NRCAM: variants seen among roughly 807,000 people sequenced by gnomAD.
The protein encoded by NRCAM is NgCAM-related cell adhesion molecule.
Under a neutral mutation model 156.5 loss-of-function variants are expected in NRCAM, and 83 were observed. The observed-to-expected ratio is 0.53, with a 90% CI of 0.44 to 0.64. NRCAM has a LOEUF of 0.64. Ranked by LOEUF, NRCAM falls within the 30% of genes least tolerant of loss-of-function variation. The probability of loss-of-function intolerance (pLI) is 0.00; values close to 1 mark genes in which losing one functional copy is unlikely to be tolerated. For synonymous variants in NRCAM, 538 were observed against 563.9 expected (o/e 0.95, Z 0.65); for missense variants, 1,417 against 1,597.3 (o/e 0.89, Z 1.92).
At chr7:108,195,927 G>A (rs969700136) in intron 14 of NRCAM, 55 bp from the exon 15 acceptor site, 21 of 1,117,750 alleles carry the variant, frequency 1.9e-5, no homozygotes, top group African/African-American at 4.7e-5. Context: ...TAGGACTATC[G>A]TTTATTTATT....
In NRCAM at chr7:108,189,098, C is replaced by G. The variant is rs951029183; in HGVS notation, c.2035+547G>C. On this transcript the variant is annotated intron_variant, in intron 20 of 32. Transcript: ENST00000379028. ...TTTCCTAGGCCCTAGGCTTGTGTCACCAACGTGAGAAGCTCACATTGTTGA... is the reference window on the plus strand; with the variant it reads ...TTTCCTAGGCCCTAGGCTTGTGTCAGCAACGTGAGAAGCTCACATTGTTGA... Among the ~76,000 whole-genome samples, 4 of 152,070 alleles carry G rather than the reference C, an allele frequency of 2.6e-5. No homozygotes were observed. The East Asian group carries it at 5.8e-4, about 22-fold the overall frequency.
At position 108,240,127 on chromosome 7, in the gene NRCAM, G is replaced by T; in HGVS notation, c.-63C>A. 1.8e-6 allele frequency: 2 copies of T among 1,141,224 alleles called. No homozygotes were observed. The highest frequency in any genetic ancestry group is 2.6e-6 in the Non-Finnish European group (2 of 761,442). The allele number at this position is 1,141,224 out of a possible 1,614,324, so 70.7% of individuals were successfully genotyped here. A position where few individuals can be genotyped will look rare whatever the true frequency, so the allele number is the denominator to read the frequency against. The stretch of plus-strand genomic sequence containing the variant: ...CTTTTCTTCTTTCACAAAAGATTTT[G>T]TGAAACGTTGTGTGCAACGTTTAAG... On this transcript the variant is annotated 5_prime_UTR_variant, in exon 4 of 33. Transcript: ENST00000379028.
At chr7:108,177,389 T>C (rs539926609) in intron 26 of NRCAM, among the ~76,000 whole-genome samples, 15 of 152,116 alleles carry the variant, frequency 9.9e-5, no homozygotes, top group South Asian at 4.2e-4. Flanking sequence ...TTTGGGAGGC[T>C]GAGGTGGGCA....
chr7:108,360,246 G>A (rs2099540230), intron 2 of NRCAM, among the ~76,000 whole-genome samples: 1 of 151,804 alleles, frequency 6.6e-6, no homozygotes, highest in Non-Finnish European at 1.5e-5. Flanking sequence ...AAGTGAGAAG[G>A]GAAAAAAAAG....
rs559521284 is a variant in NRCAM, at chr7:108,232,431, T to C, written c.322A>G (p.Ile108Val). 1 of 1,613,754 alleles carries C rather than the reference T, an allele frequency of 6.2e-7. No homozygotes were observed. The highest frequency in any genetic ancestry group is 1.7e-5 in the Admixed American group (1 of 59,980). ...GTCTCAGCTTTCCCTTCGCTCATGATGTTAATTATGAGCGTTCCTGTGCCA... is the reference window on the plus strand; with the variant it reads ...GTCTCAGCTTTCCCTTCGCTCATGACGTTAATTATGAGCGTTCCTGTGCCA... ...KPGTGTLIINIMSEGKAETYE... is the reference protein window; with the variant it reads ...KPGTGTLIINVMSEGKAETYE... Residue 108 changes from isoleucine to valine, a missense_variant, in exon 7 of 33, where the codon ATC becomes GTC. By Grantham distance (29) the Ile-to-Val change is conservative. Coordinates refer to ENST00000379028, the MANE Select transcript of NRCAM (RefSeq NM_001037132.4).
intron 29 of NRCAM, among the ~76,000 whole-genome samples, 165 bp from the exon 30 acceptor site, chr7:108,167,238 T>C (rs761441401): frequency 6.6e-6 from 1 of 152,158 alleles, no homozygotes; most frequent in South Asian, 2.1e-4. Flanking sequence ...ACAAATCAAT[T>C]AAAATGACCT....
intron 15 of NRCAM, 82 bp downstream of exon 15, chr7:108,195,679 T>C (rs1251264668): frequency 1.3e-6 from 1 of 779,050 alleles, no homozygotes; most frequent in Non-Finnish European, 2.2e-6. Flanking sequence ...GTTTGTTTTT[T>C]GAATAAAACC....
chr7:108,199,497 G>A (rs1014525601), intron 13 of NRCAM, among the ~76,000 whole-genome samples: 6 of 152,230 alleles, frequency 3.9e-5, no homozygotes, highest in South Asian at 2.1e-4. Flanking sequence ...CGTGAGCAGA[G>A]CTGCGTCGCT....
At chr7:108,297,402 T>C (rs2098471812) in intron 3 of NRCAM, among the ~76,000 whole-genome samples, 1 of 152,198 alleles carries the variant, frequency 6.6e-6, no homozygotes, top group Non-Finnish European at 1.5e-5. Context: ...AAAAATGCCA[T>C]TTCTAAAGCT....
intron 1 of NRCAM, among the ~76,000 whole-genome samples, chr7:108,405,175 T>C (rs1449473154): frequency 6.6e-6 from 1 of 152,244 alleles, no homozygotes; most frequent in African/African-American, 2.4e-5. Context: ...ACTGTTGGCA[T>C]TCATGACCTT....
At chr7:108,299,118 G>GAAAA (rs2098528239) in intron 3 of NRCAM, among the ~76,000 whole-genome samples, 8 of 25,668 alleles carry the variant, frequency 3.1e-4, no homozygotes, top group South Asian at 2.1e-3. Flanking sequence ...AAAAAAAAAA[G>GAAAA]AAAGAAAGAA....
Position 108,182,853 on chromosome 7 carries a change from C to T in NRCAM, c.2372G>A (p.Gly791Asp). 4 of 1,614,228 alleles carry T rather than the reference C, an allele frequency of 2.5e-6. No individual in the cohort carries two copies. The highest frequency in any genetic ancestry group is 3.4e-6 in the Non-Finnish European group (4 of 1,180,044). Residue 791 changes from glycine (G) to aspartate (D), a missense_variant, in exon 23 of 33, where the codon GGT (glycine) becomes GAT (aspartate). Physicochemically the swap from Gly to Asp is moderately conservative, Grantham distance 94. Around this residue, in one of 2 missense-constraint regions of NRCAM, gnomAD observed 1,238 missense variants for 1,336.4 expected, o/e 0.93. Transcript: ENST00000379028. ...QYKVSWRQKD[G>D]DDEWTSVVVA... is the part of the protein sequence containing the mutation. Reference sequence around the variant, plus strand: ...AACCACAGATGTCCATTCATCATCACCATCTTTCTGGCGCCAGCTAACTTT... The same window carrying T: ...AACCACAGATGTCCATTCATCATCATCATCTTTCTGGCGCCAGCTAACTTT...
intron 2 of NRCAM, among the ~76,000 whole-genome samples, chr7:108,396,087 A>C (rs1173332621): frequency 6.6e-6 from 1 of 152,180 alleles, no homozygotes; most frequent in Non-Finnish European, 1.5e-5. Context: ...TACCAGTTCC[A>C]CAAACCAAGG....
chr7:108,391,180 G>A (rs1001090600), intron 2 of NRCAM, among the ~76,000 whole-genome samples: 1 of 152,064 alleles, frequency 6.6e-6, no homozygotes, highest in Non-Finnish European at 1.5e-5. Context: ...GGGTGTTAAA[G>A]TCTCCCATTA....
intron 8 of NRCAM, among the ~76,000 whole-genome samples, chr7:108,228,568 A>AT (rs1223502197): frequency 1.3e-5 from 2 of 152,136 alleles, no homozygotes; most frequent in Non-Finnish European, 2.9e-5. Context: ...TGCTATATAA[A>AT]TTTTTTTCTC....
At chr7:108,209,345 T>C in intron 12 of NRCAM, 76 bp downstream of exon 12, 4 of 1,004,904 alleles carry the variant, frequency 4.0e-6, no homozygotes, top group Non-Finnish European at 4.3e-6. Context: ...TTACTAAAAA[T>C]GTAATGAAAA....
At chr7:108,404,031 G>A (rs2099800592) in intron 1 of NRCAM, among the ~76,000 whole-genome samples, 1 of 152,042 alleles carries the variant, frequency 6.6e-6, no homozygotes, top group Non-Finnish European at 1.5e-5. Flanking sequence ...TTATAGTCAG[G>A]TGCCACTTCT....
intron 3 of NRCAM, among the ~76,000 whole-genome samples, chr7:108,265,621 T>C (rs1340785725): frequency 6.6e-6 from 1 of 152,234 alleles, no homozygotes; most frequent in East Asian, 1.9e-4. Flanking sequence ...TCAATACATA[T>C]TAAGCACTTA....
At chr7:108,424,227 C>T (rs1411070345) in intron 1 of NRCAM, among the ~76,000 whole-genome samples, 1 of 152,146 alleles carries the variant, frequency 6.6e-6, no homozygotes, top group African/African-American at 2.4e-5. Context: ...AGTGGGGCAT[C>T]GAAGAGAGCT....
Sources: gnomAD v4.1 joint callset for allele counts (sites outside exome capture counted in the v4.1 genomes callset) on GRCh38, gnomAD v4.1.1 for gene constraint, gnomAD v4.1.1 regional missense constraint, MANE v1.5 for transcripts, NCBI Gene and HGNC (gene_info 2026-07-23, HGNC 2026-07-21) for gene names.